CLVS1: variants seen among roughly 807,000 people sequenced by gnomAD.
CLVS1 encodes clavesin 1, also known as clavesin-1.
In CLVS1, 10 loss-of-function variants were observed where a neutral mutation model predicts 33.1. The ratio of observed to expected loss-of-function variants is 0.30; its 90% CI spans 0.19 to 0.51. The LOEUF is 0.51. Among genes scored for constraint, CLVS1 ranks in the 20% least tolerant of loss-of-function variants. CLVS1 has a pLI of 0.97. For missense variants in CLVS1, 343 were observed against 433.4 expected (o/e 0.79, Z 1.85); for synonymous variants, 163 against 166.1 (o/e 0.98, Z 0.14).
chr8:61,330,687 G>A (rs556067177), intron 2 of CLVS1, among the ~76,000 whole-genome samples: 4 of 152,100 alleles, frequency 2.6e-5, no homozygotes, highest in South Asian at 4.2e-4. Context: ...CATCTTTTTC[G>A]GAATCCCTTT....
chr8:61,499,586 TATC>T lies in CLVS1; in HGVS notation c.*46_*48del, dbSNP rs777419197. Reference sequence around the variant, plus strand: ...GCTCCTGCACACTGGCCTTCAGTGGTATCAGCCACCCAGGAAGCACATGCACAA... The same window carrying T: ...GCTCCTGCACACTGGCCTTCAGTGGTAGCCACCCAGGAAGCACATGCACAA... On this transcript the variant is annotated 3_prime_UTR_variant, in exon 6 of 6. Coordinates refer to ENST00000325897, the MANE Select transcript of CLVS1 (RefSeq NM_173519.3). The T allele has an allele frequency of 6.8e-7, 1 of 1,464,688 alleles. No individual in the cohort carries two copies. Among genetic ancestry groups the T allele is most frequent in the Non-Finnish European group, 9.6e-7 (1 of 1,044,726 alleles). The allele number at this position is 1,464,688 out of a possible 1,614,324, so 90.7% of individuals were successfully genotyped here.
chr8:61,032,996 A>T, the CLVS1 span, among the ~76,000 whole-genome samples: 1 of 51,474 alleles, frequency 1.9e-5, no homozygotes, highest in African/African-American at 7.4e-5. Flanking sequence ...AAGGAAGGAA[A>T]GAAAGAAAGA....
intron 2 of CLVS1, among the ~76,000 whole-genome samples, chr8:61,175,529 A>G (rs939753856): frequency 5.9e-5 from 9 of 152,310 alleles, no homozygotes; most frequent in Admixed American, 4.6e-4. Context: ...CTTATTTGGA[A>G]ATAAGGTTTT....
intron 1 of CLVS1, among the ~76,000 whole-genome samples, chr8:61,081,095 A>G (rs531831851): frequency 5.4e-4 from 82 of 152,334 alleles, no homozygotes; most frequent in Middle Eastern, 3.4e-3. Flanking sequence ...TGTTAGGACT[A>G]GGAATGTTGT....
the CLVS1 span, among the ~76,000 whole-genome samples, chr8:60,987,950 T>C: frequency 2.1e-4 from 32 of 151,956 alleles, no homozygotes; most frequent in African/African-American, 7.2e-4. Flanking sequence ...ATAATAAAAG[T>C]GCTAGTGAGA....
chr8:61,431,570 C>T (rs1378009117), intron 3 of CLVS1, among the ~76,000 whole-genome samples: 1 of 152,226 alleles, frequency 6.6e-6, no homozygotes, highest in Non-Finnish European at 1.5e-5. Flanking sequence ...AACCTCTAGC[C>T]TTCTACCTTG....
At chr8:60,982,812 C>T in the CLVS1 span, among the ~76,000 whole-genome samples, 1 of 152,128 alleles carries the variant, frequency 6.6e-6, no homozygotes, top group African/African-American at 2.4e-5. Flanking sequence ...TGGCTCATGC[C>T]TGTAATCCCC....
intron 2 of CLVS1, among the ~76,000 whole-genome samples, chr8:61,176,133 T>C (rs956636414): frequency 6.6e-6 from 1 of 152,240 alleles, no homozygotes; most frequent in African/African-American, 2.4e-5. Flanking sequence ...TGGGTTTGGA[T>C]CTGTGGTGCT....
chr8:61,366,719 C>T (rs1585867715), intron 2 of CLVS1, among the ~76,000 whole-genome samples: 1 of 152,130 alleles, frequency 6.6e-6, no homozygotes, highest in South Asian at 2.1e-4. Context: ...ATGCATCAAA[C>T]CCCCAGCTTG....
At chr8:61,203,293 T>C (rs901758559) in intron 2 of CLVS1, 4 of 755,526 alleles carry the variant, frequency 5.3e-6, no homozygotes, top group Admixed American at 3.6e-5. Flanking sequence ...AGTTGATATC[T>C]GGCTGTCCTT....
At chr8:61,162,900 T>C (rs1806780114) in intron 2 of CLVS1, among the ~76,000 whole-genome samples, 1 of 152,132 alleles carries the variant, frequency 6.6e-6, no homozygotes, top group Admixed American at 6.5e-5. Context: ...GGTTATTAGA[T>C]CACATCAGAT....
At chr8:61,461,436 G>C (rs1817361828) in intron 5 of CLVS1, among the ~76,000 whole-genome samples, 2 of 152,120 alleles carry the variant, frequency 1.3e-5, no homozygotes, top group Non-Finnish European at 2.9e-5. Flanking sequence ...TATCTTCTTA[G>C]TGCCTCAAAC....
intron 2 of CLVS1, among the ~76,000 whole-genome samples, chr8:61,166,861 G>A (rs1036324041): frequency 2.7e-5 from 4 of 148,642 alleles, no homozygotes; most frequent in African/African-American, 7.4e-5. Context: ...AAAAGGTAAT[G>A]CTTAGGTCAT....
intron 2 of CLVS1, among the ~76,000 whole-genome samples, chr8:61,172,010 G>T (rs1182864881): frequency 1.3e-5 from 2 of 152,140 alleles, no homozygotes; most frequent in African/African-American, 4.8e-5. Context: ...GAGAATGAAA[G>T]GTCAAATTCA....
At chr8:61,261,566 G>T (rs1229462274) in intron 2 of CLVS1, among the ~76,000 whole-genome samples, 2 of 152,146 alleles carry the variant, frequency 1.3e-5, no homozygotes, top group African/African-American at 4.8e-5. Context: ...AACTCTCAAT[G>T]TGATAGTATT....
intron 2 of CLVS1, among the ~76,000 whole-genome samples, chr8:61,247,318 T>G (rs1404766204): frequency 2.0e-5 from 3 of 152,196 alleles, no homozygotes; most frequent in Admixed American, 2.0e-4. Context: ...TATCCAGTAA[T>G]GGGATTGCTG....
chr8:61,119,174 A>G (rs185825481), intron 1 of CLVS1, among the ~76,000 whole-genome samples: 50 of 152,268 alleles, frequency 3.3e-4, no homozygotes, highest in African/African-American at 1.1e-3. Flanking sequence ...AGTCTCTTTT[A>G]TCAGAGACTA....
At chr8:61,033,112 AAGG>A in the CLVS1 span, among the ~76,000 whole-genome samples, 22 of 48,598 alleles carry the variant, frequency 4.5e-4, no homozygotes, top group African/African-American at 1.5e-3. Flanking sequence ...AGAAAGAAAG[AAGG>A]AAGGAAGAAA....
chr8:61,276,239 C>T (rs1406569528), intron 2 of CLVS1, among the ~76,000 whole-genome samples: 2 of 152,212 alleles, frequency 1.3e-5, no homozygotes, highest in African/African-American at 4.8e-5. Context: ...CAGTTGCCAT[C>T]AATATCCACC....
Sources: gnomAD v4.1 joint callset for allele counts (sites outside exome capture counted in the v4.1 genomes callset) on GRCh38, gnomAD v4.1.1 for gene constraint, MANE v1.5 for transcripts, NCBI Gene and HGNC (gene_info 2026-07-23, HGNC 2026-07-21) for gene names.